The following WRN variants were observed in gnomAD, a reference collection of about 807,000 sequenced individuals.
WRN encodes WRN RecQ like helicase, also known as bifunctional 3'-5' exonuclease/ATP-dependent helicase WRN.
Under a neutral mutation model 180.7 loss-of-function variants are expected in WRN, and 149 were observed. The ratio of observed to expected loss-of-function variants is 0.82; its 90% CI spans 0.72 to 0.94. WRN has a LOEUF of 0.94. Ranked by LOEUF, WRN falls within the 40% of genes least tolerant of loss-of-function variation. WRN has a pLI of 0.00. For missense variants in WRN, 1,661 were observed against 1,700.1 expected, an observed-to-expected ratio of 0.98 and a Z score of 0.40; for synonymous variants, 548 against 568.9, an observed-to-expected ratio of 0.96 and a Z score of 0.52.
intron 10 of WRN, among the ~76,000 whole-genome samples, chr8:31,084,079 A>T (rs1463352692): frequency 6.6e-6 from 1 of 152,102 alleles, no homozygotes; most frequent in Non-Finnish European, 1.5e-5. Flanking sequence ...GCTCACTGCA[A>T]CCTTCACCTC....
At chr8:31,166,981 CTG>C in intron 33 of WRN, 39 bp from the exon 34 acceptor site, 2 of 1,554,328 alleles carry the variant, frequency 1.3e-6, no homozygotes, top group Non-Finnish European at 1.8e-6. Flanking sequence ...AAAATATTCT[CTG>C]TAATTTATTT....
At chr8:31,055,401 A>G (rs1812230790) in intron 1 of WRN, among the ~76,000 whole-genome samples, 5 of 152,194 alleles carry the variant, frequency 3.3e-5, no homozygotes. Context: ...TAGCCTTGCC[A>G]GCACCTGTTG....
intron 1 of WRN, among the ~76,000 whole-genome samples, chr8:31,055,952 T>C (rs1327535485): frequency 6.6e-6 from 1 of 152,230 alleles, no homozygotes; most frequent in African/African-American, 2.4e-5. Flanking sequence ...GTGCTTTTTA[T>C]CTATCCCAAG....
chr8:31,083,934 T>C (rs564322979), intron 10 of WRN, among the ~76,000 whole-genome samples, 155 bp downstream of exon 10: 2 of 152,326 alleles, frequency 1.3e-5, no homozygotes, highest in Non-Finnish European at 2.9e-5. Flanking sequence ...CATGTTTCTT[T>C]CATGTAGTCT....
At position 31,161,836 on chromosome 8, in the gene WRN, C is replaced by T. The variant is rs1357640137; in HGVS notation, c.3982+4306C>T. ...CCTGGGAGACAGAGCGAGACTCTGT[C>T]TCAAAAAAAAAAAAAAAAAAGAGAT... is the stretch of plus-strand genomic sequence containing the variant. On this transcript the variant is annotated intron_variant, in intron 33 of 34. Coordinates refer to ENST00000298139, the MANE Select transcript of WRN (RefSeq NM_000553.6). Among the ~76,000 whole-genome samples, 4 of 16,292 alleles carry T rather than the reference C, an allele frequency of 2.5e-4. No homozygotes were observed. The Admixed American group carries it at 4.6e-3, about 19-fold the overall frequency. The allele number at this position is 16,292 out of a possible 152,430, so 10.7% of individuals were successfully genotyped here. A position where few individuals can be genotyped will look rare whatever the true frequency, so the allele number is the denominator to read the frequency against.
intron 1 of WRN, among the ~76,000 whole-genome samples, chr8:31,057,712 C>A (rs991602656): frequency 3.3e-5 from 5 of 151,626 alleles, no homozygotes; most frequent in African/African-American, 9.7e-5. Flanking sequence ...GGGTACGGAT[C>A]CATTTTACTA....
chr8:31,149,278 T>C (rs1802997302), intron 30 of WRN, among the ~76,000 whole-genome samples: 1 of 151,226 alleles, frequency 6.6e-6, no homozygotes, highest in Non-Finnish European at 1.5e-5. Context: ...GTGCCTGTAG[T>C]CCCAGTTACT....
rs1317691833 is a variant in WRN at position 31,173,900 on chromosome 8, T to C, written c.*798T>C. 1 of 152,218 alleles carries C rather than the reference T, an allele frequency of 6.6e-6. No individual in the cohort carries two copies. Among genetic ancestry groups the C allele is most frequent in the Non-Finnish European group, 1.5e-5 (1 of 68,044 alleles). 9.4% of individuals were successfully genotyped at this position (152,218 alleles called of 1,614,324 possible). A position where few individuals can be genotyped will look rare whatever the true frequency, so the allele number is the denominator to read the frequency against. The stretch of plus-strand genomic sequence containing the variant: ...ACCTATACTGTGACACAGAGTTGGG[T>C]AAACGATGATTATTTAACTTTAAGC... On this transcript the variant is annotated 3_prime_UTR_variant, in exon 35 of 35. Coordinates refer to ENST00000298139, the MANE Select transcript of WRN (RefSeq NM_000553.6).
In WRN at chr8:31,124,345, G is replaced by A. The variant is rs552776650; in HGVS notation, c.2631-177G>A. ...GAAAAATGTTTACCTCTTGTTGGGG[G>A]CATTGACTGGAAAGGAATACAACAG... On this transcript the variant is annotated intron_variant, in intron 21 of 34. Coordinates refer to ENST00000298139, the MANE Select transcript of WRN (RefSeq NM_000553.6). Among the ~76,000 whole-genome samples the A allele has an allele frequency of 1.9e-3, 287 of 151,930 alleles. 1 individual carries two copies. Among genetic ancestry groups the A allele is most frequent in the African/African-American group, 6.7e-3 (279 of 41,480 alleles).
intron 23 of WRN, among the ~76,000 whole-genome samples, chr8:31,127,491 G>T (rs192256580): frequency 2.6e-4 from 39 of 152,244 alleles, no homozygotes; most frequent in African/African-American, 8.9e-4. Flanking sequence ...CTGCGTTACT[G>T]TAAGACAAAA....
At chr8:31,139,867 G>A (rs895492431) in intron 24 of WRN, among the ~76,000 whole-genome samples, 1 of 152,176 alleles carries the variant, frequency 6.6e-6, no homozygotes, top group Non-Finnish European at 1.5e-5. Flanking sequence ...TATTTGTATT[G>A]TCCCAGATTC....
At chr8:31,065,172 T>C in intron 5 of WRN, 109 bp downstream of exon 5, 1 of 1,162,322 alleles carries the variant, frequency 8.6e-7, no homozygotes, top group Non-Finnish European at 1.2e-6. Flanking sequence ...TGTTATATAA[T>C]GTTTTTGTAG....
chr8:31,046,823 CAG>C (rs1217997965), intron 1 of WRN, among the ~76,000 whole-genome samples: 2 of 152,194 alleles, frequency 1.3e-5, no homozygotes, highest in Non-Finnish European at 2.9e-5. Flanking sequence ...ATTCATAAAA[CAG>C]AGTCTCTGAA....
chr8:31,163,977 C>T (rs1803745277), intron 33 of WRN, among the ~76,000 whole-genome samples: 1 of 151,854 alleles, frequency 6.6e-6, no homozygotes, highest in African/African-American at 2.4e-5. Flanking sequence ...TTCAGCCTTC[C>T]AAGTAGCTGG....
intron 21 of WRN, among the ~76,000 whole-genome samples, chr8:31,122,356 G>C (rs1311448129): frequency 6.6e-6 from 1 of 151,990 alleles, no homozygotes; most frequent in Non-Finnish European, 1.5e-5. Flanking sequence ...TTCTCACCTG[G>C]AAAGGTCAGT....
chr8:31,154,756 G>C lies in WRN; in HGVS notation c.3819+1G>C, dbSNP rs748618811. 2 of 1,613,286 alleles carry C rather than the reference G, an allele frequency of 1.2e-6. No individual in the cohort carries two copies. The highest frequency in any genetic ancestry group is 2.2e-5 in the East Asian group (1 of 44,722). On this transcript the variant is annotated splice_donor_variant, in intron 32 of 34. Coordinates refer to ENST00000298139, the MANE Select transcript of WRN (RefSeq NM_000553.6). LOFTEE classifies it high-confidence loss of function. ...ATTCCAAGAAAAGAAGATGCCTTTG[G>C]TAAGTGTGACTTTCATGTTACAGGG... is the stretch of plus-strand genomic sequence containing the variant.
chr8:31,104,096 C>G (rs955010098), intron 18 of WRN, among the ~76,000 whole-genome samples: 1 of 152,168 alleles, frequency 6.6e-6, no homozygotes, highest in African/African-American at 2.4e-5. Context: ...TTTCATTTCT[C>G]TGGGATAAAT....
At chr8:31,172,931 TGC>T (rs1242715544) in intron 34 of WRN, 62 bp from the exon 35 acceptor site, 2 of 1,479,010 alleles carry the variant, frequency 1.4e-6, no homozygotes, top group East Asian at 4.7e-5. Flanking sequence ...GTTACTTTTT[TGC>T]AACTAATACC....
intron 32 of WRN, among the ~76,000 whole-genome samples, chr8:31,155,097 T>C (rs531693966): frequency 2.0e-5 from 3 of 152,226 alleles, no homozygotes; most frequent in Admixed American, 1.3e-4. Context: ...AGAAACAATC[T>C]CAAGATGCAT....
Sources: gnomAD v4.1 joint callset for allele counts (sites outside exome capture counted in the v4.1 genomes callset) on GRCh38, gnomAD v4.1.1 for gene constraint, MANE v1.5 for transcripts, NCBI Gene and HGNC (gene_info 2026-07-23, HGNC 2026-07-21) for gene names.